Variants in ELMO1 observed in about 807,000 individuals in gnomAD.
ELMO1 encodes the protein engulfment and cell motility protein 1.
Under a neutral mutation model 98.9 loss-of-function variants are expected in ELMO1, and 26 were observed. The observed-to-expected ratio is 0.26, with a 90% CI of 0.19 to 0.36. The LOEUF (loss-of-function observed/expected upper bound fraction) is 0.36, where lower values mean the gene tolerates loss of function less well. ELMO1 is among the 10% of genes least tolerant of loss of function. The pLI is 1.00. For missense variants in ELMO1, 627 were observed against 935.2 expected (o/e 0.67, Z 4.30); for synonymous variants, 346 against 346.0 (o/e 1.00, Z 0.00).
intron 16 of ELMO1, among the ~76,000 whole-genome samples, chr7:36,917,102 T>C (rs948314869): frequency 2.0e-5 from 3 of 152,236 alleles, no homozygotes; most frequent in African/African-American, 7.2e-5. Context: ...TTAGTGCAAA[T>C]AATACTTGGT....
At chr7:37,022,889 A>C (rs1237733393) in intron 15 of ELMO1, among the ~76,000 whole-genome samples, 1 of 152,238 alleles carries the variant, frequency 6.6e-6, no homozygotes, top group Non-Finnish European at 1.5e-5. Flanking sequence ...CAGCATACTT[A>C]CTACAAAGAA....
At chr7:36,996,083 C>T (rs1312248905) in intron 16 of ELMO1, among the ~76,000 whole-genome samples, 2 of 152,186 alleles carry the variant, frequency 1.3e-5, no homozygotes, top group Non-Finnish European at 2.9e-5. Flanking sequence ...TTTTGTCAGA[C>T]AATAAATATC....
intron 15 of ELMO1, among the ~76,000 whole-genome samples, chr7:37,015,479 T>C (rs1793870193): frequency 6.6e-6 from 1 of 152,096 alleles, no homozygotes; most frequent in Non-Finnish European, 1.5e-5. Context: ...CATGCCGCTG[T>C]AGTCCCAGCT....
chr7:37,252,676 G>T (rs1213037004), intron 6 of ELMO1, among the ~76,000 whole-genome samples: 3 of 152,074 alleles, frequency 2.0e-5, no homozygotes, highest in African/African-American at 7.2e-5. Context: ...GTGGGCAAAG[G>T]CTTCATGACT....
At chr7:37,203,215 A>T (rs1422488738) in intron 13 of ELMO1, among the ~76,000 whole-genome samples, 1 of 152,106 alleles carries the variant, frequency 6.6e-6, no homozygotes, top group African/African-American at 2.4e-5. Context: ...GACTGAGCAA[A>T]ATTGTATTTA....
intron 11 of ELMO1, among the ~76,000 whole-genome samples, chr7:37,216,181 G>A (rs574229738): frequency 4.6e-4 from 69 of 151,370 alleles, no homozygotes; most frequent in African/African-American, 1.4e-3. Flanking sequence ...GCATCGCAGC[G>A]AATGAGTGGC....
At chr7:37,445,138 T>G (rs1382181792) in intron 1 of ELMO1, among the ~76,000 whole-genome samples, 1 of 152,182 alleles carries the variant, frequency 6.6e-6, no homozygotes, top group Non-Finnish European at 1.5e-5. Context: ...AAACTGCTGG[T>G]CTTGGCCTAC....
At chr7:37,255,267 T>C (rs1795579960) in intron 6 of ELMO1, among the ~76,000 whole-genome samples, 1 of 152,010 alleles carries the variant, frequency 6.6e-6, no homozygotes, top group East Asian at 1.9e-4. Flanking sequence ...GAAAAGGAGA[T>C]TTGAAGACAA....
chr7:37,213,978 AG>A (rs35775202), intron 11 of ELMO1, among the ~76,000 whole-genome samples: 1 of 152,230 alleles, frequency 6.6e-6, no homozygotes, highest in Non-Finnish European at 1.5e-5. Context: ...GAGCTACACA[AG>A]GATGTCTACC....
At chr7:36,982,560 A>G (rs1791157345) in intron 16 of ELMO1, among the ~76,000 whole-genome samples, 1 of 152,214 alleles carries the variant, frequency 6.6e-6, no homozygotes, top group African/African-American at 2.4e-5. Context: ...TCTTGTTAAA[A>G]TGTCTTCTAC....
intron 4 of ELMO1, among the ~76,000 whole-genome samples, chr7:37,276,664 G>A (rs919093603): frequency 6.6e-6 from 1 of 152,188 alleles, no homozygotes; most frequent in Non-Finnish European, 1.5e-5. Context: ...ACCCTTATTT[G>A]TTTTTAGCTA....
intron 5 of ELMO1, among the ~76,000 whole-genome samples, chr7:37,268,622 G>A (rs1796386981): frequency 6.6e-6 from 1 of 152,104 alleles, no homozygotes; most frequent in Non-Finnish European, 1.5e-5. Flanking sequence ...GGTAGCAGGA[G>A]ATAGATAAAG....
At chr7:37,137,319 A>G (rs148581704) in intron 13 of ELMO1, among the ~76,000 whole-genome samples, 43 of 152,320 alleles carry the variant, frequency 2.8e-4, no homozygotes, top group Non-Finnish European at 5.3e-4. Context: ...CACCACAATA[A>G]TAGTGGGGGA....
chr7:37,209,966 T>C (rs938998958), intron 13 of ELMO1, among the ~76,000 whole-genome samples: 1 of 152,246 alleles, frequency 6.6e-6, no homozygotes, highest in Non-Finnish European at 1.5e-5. Context: ...AAGCTGAATA[T>C]GCAGTAAGTA....
chr7:36,984,280 T>A (rs892771133), intron 16 of ELMO1, among the ~76,000 whole-genome samples: 2 of 152,224 alleles, frequency 1.3e-5, no homozygotes, highest in African/African-American at 4.8e-5. Context: ...TGGAGCCTCA[T>A]GGGATCAGAG....
chr7:37,044,074 T>A (rs1413398700), intron 15 of ELMO1, among the ~76,000 whole-genome samples: 1 of 152,214 alleles, frequency 6.6e-6, no homozygotes, highest in African/African-American at 2.4e-5. Flanking sequence ...CCACTCATTT[T>A]AAAAAACTAT....
intron 16 of ELMO1, among the ~76,000 whole-genome samples, chr7:36,897,026 C>T (rs1806063233): frequency 6.6e-6 from 1 of 152,222 alleles, no homozygotes; most frequent in African/African-American, 2.4e-5. Flanking sequence ...GTGACCTCCA[C>T]TCCCCTCATT....
intron 16 of ELMO1, among the ~76,000 whole-genome samples, chr7:36,992,341 T>C (rs1185921286): frequency 1.3e-5 from 2 of 152,214 alleles, no homozygotes; most frequent in Non-Finnish European, 2.9e-5. Context: ...CAGAAGAGCA[T>C]GGGCCTGAAG....
intron 4 of ELMO1, among the ~76,000 whole-genome samples, chr7:37,280,150 T>C (rs1403410407): frequency 6.6e-6 from 1 of 152,206 alleles, no homozygotes. Flanking sequence ...GCAAGCCATA[T>C]GTCGGAGAAT....
Sources: allele counts gnomAD v4.1 joint callset (sites outside exome capture counted in the v4.1 genomes callset), GRCh38; gene constraint gnomAD v4.1.1; transcripts MANE v1.5; gene names NCBI Gene and HGNC (gene_info 2026-07-23, HGNC 2026-07-21).